SDK1: variants seen among roughly 807,000 people sequenced by gnomAD.
SDK1 encodes protein sidekick-1.
Under a neutral mutation model 245.5 loss-of-function variants are expected in SDK1, and 157 were observed. The ratio of observed to expected loss-of-function variants is 0.64; its 90% CI spans 0.56 to 0.73. SDK1 has a LOEUF of 0.73. Among genes scored for constraint, SDK1 ranks in the 30% least tolerant of loss-of-function variants. The pLI is 0.00. For synonymous variants in SDK1, 1,647 were observed against 1,278.5 expected (o/e 1.29, Z -6.15); for missense variants, 3,583 against 3,002.3 (o/e 1.19, Z -4.52).
intron 5 of SDK1, among the ~76,000 whole-genome samples, chr7:3,912,174 C>T (rs528746995): frequency 2.0e-5 from 3 of 152,230 alleles, no homozygotes; most frequent in South Asian, 2.1e-4. Flanking sequence ...ACGTGATGAG[C>T]GCTGTGTTTT....
intron 28 of SDK1, among the ~76,000 whole-genome samples, chr7:4,143,586 G>A (rs1438964342): frequency 1.3e-5 from 2 of 152,218 alleles, no homozygotes; most frequent in Non-Finnish European, 2.9e-5. Flanking sequence ...CAGCCCAGAG[G>A]TGCACCCCCA....
chr7:3,527,300 G>GACACTTGATAGAGCT (rs990669492), intron 1 of SDK1, among the ~76,000 whole-genome samples: 1 of 152,186 alleles, frequency 6.6e-6, no homozygotes, highest in Non-Finnish European at 1.5e-5. Flanking sequence ...AAGTAAGAAA[G>GACACTTGATAGAGCT]ACACTTGATA....
chr7:3,593,802 CGGGTTCT>C (rs1419463963), intron 1 of SDK1, among the ~76,000 whole-genome samples: 1 of 152,172 alleles, frequency 6.6e-6, no homozygotes, highest in African/African-American at 2.4e-5. Context: ...AGACAGGTTC[CGGGTTCT>C]GGCTTTGCCA....
Position 4,051,497 on chromosome 7 carries a change from G to A in SDK1, c.2719-141G>A, listed in dbSNP as rs1583951281. The A allele has an allele frequency of 3.5e-5, 23 of 660,936 alleles. 2 individuals are homozygous for A. In the South Asian group the frequency reaches 5.0e-4, roughly 14 times the overall value. 40.9% of individuals were successfully genotyped at this position (660,936 alleles called of 1,614,324 possible). On this transcript the variant is annotated intron_variant, in intron 18 of 44. Coordinates refer to ENST00000404826, the MANE Select transcript of SDK1 (RefSeq NM_152744.4). ...ATTTTTATCTCAACTTTTTTCAAGCGTGATTATAAAATGCAGGATTTATGG... is the reference window on the plus strand; with the variant it reads ...ATTTTTATCTCAACTTTTTTCAAGCATGATTATAAAATGCAGGATTTATGG...
chr7:4,221,544 T>A (rs527431796), intron 40 of SDK1, among the ~76,000 whole-genome samples, 180 bp downstream of exon 40: 396 of 152,336 alleles, frequency 2.6e-3, no homozygotes, highest in African/African-American at 9.2e-3. Context: ...CCAGTCTTCA[T>A]AGTCACAACT....
At chr7:3,732,926 G>T (rs1779220162) in intron 4 of SDK1, among the ~76,000 whole-genome samples, 1 of 152,178 alleles carries the variant, frequency 6.6e-6, no homozygotes, top group Non-Finnish European at 1.5e-5. Context: ...TTGAGTGGAA[G>T]TTATCCTGGA....
chr7:4,179,604 C>G (rs1393809450), intron 35 of SDK1, among the ~76,000 whole-genome samples: 2 of 152,056 alleles, frequency 1.3e-5, no homozygotes, highest in African/African-American at 4.8e-5. Context: ...GTATTTCTGC[C>G]TCTCTTTGCA....
intron 5 of SDK1, among the ~76,000 whole-genome samples, chr7:3,825,112 C>T (rs893285035): frequency 6.6e-6 from 1 of 152,052 alleles, no homozygotes; most frequent in Non-Finnish European, 1.5e-5. Flanking sequence ...TTTTCATGGC[C>T]AGCTCCCACT....
At chr7:4,136,288 GCAGGAAGA>G (rs1256375672) in intron 28 of SDK1, among the ~76,000 whole-genome samples, 1 of 152,208 alleles carries the variant, frequency 6.6e-6, no homozygotes, top group Non-Finnish European at 1.5e-5. Flanking sequence ...GGCGGAGGCT[GCAGGAAGA>G]CAGGAAGACA....
chr7:3,617,570 C>T (rs1291166787), intron 1 of SDK1, among the ~76,000 whole-genome samples: 2 of 152,160 alleles, frequency 1.3e-5, no homozygotes, highest in African/African-American at 2.4e-5. Context: ...GTATATTTGA[C>T]TCTTGGTTCT....
At chr7:3,602,529 T>G (rs1329831079) in intron 1 of SDK1, among the ~76,000 whole-genome samples, 1 of 152,116 alleles carries the variant, frequency 6.6e-6, no homozygotes, top group Non-Finnish European at 1.5e-5. Flanking sequence ...GGTTGTTTGT[T>G]TTTTTCTTGT....
intron 7 of SDK1, 142 bp downstream of exon 7, chr7:3,952,062 A>T (rs1339307090): frequency 2.8e-6 from 2 of 715,148 alleles, no homozygotes; most frequent in African/African-American, 3.6e-5. Flanking sequence ...TACCTTCGAA[A>T]TCCTTCCTAG....
intron 4 of SDK1, among the ~76,000 whole-genome samples, chr7:3,704,423 C>A (rs1200706550): frequency 6.6e-6 from 1 of 151,244 alleles, no homozygotes; most frequent in Non-Finnish European, 1.5e-5. Context: ...TGGCATCTCA[C>A]TGTAGTTTTA....
rs576744992 is a variant in SDK1, at chr7:3,716,273, A to T, written c.713+74168A>T. Among the ~76,000 whole-genome samples, 13 of 152,304 alleles carry T rather than the reference A, an allele frequency of 8.5e-5. No homozygotes were observed. The South Asian group carries it at 2.7e-3, about 32-fold the overall frequency. On this transcript the variant is annotated intron_variant, in intron 4 of 44. Transcript: ENST00000404826. ...AAAGCTTTCTAAATTGGGGGAAAAAAAAAACTCCACAAGCCTACAGATTCA... is the reference window on the plus strand; with the variant it reads ...AAAGCTTTCTAAATTGGGGGAAAAATAAAACTCCACAAGCCTACAGATTCA...
intron 1 of SDK1, among the ~76,000 whole-genome samples, chr7:3,404,152 T>C (rs924540599): frequency 2.0e-5 from 3 of 151,904 alleles, no homozygotes; most frequent in African/African-American, 7.3e-5. Context: ...ATGGCATCAA[T>C]AGACTTGCTG....
At chr7:3,908,802 T>C (rs1396469334) in intron 5 of SDK1, among the ~76,000 whole-genome samples, 7 of 152,042 alleles carry the variant, frequency 4.6e-5, no homozygotes, top group Admixed American at 3.3e-4. Context: ...GGAAGCATTT[T>C]TGGGGGGACT....
At chr7:3,799,587 C>T (rs1779055251) in intron 4 of SDK1, among the ~76,000 whole-genome samples, 1 of 151,732 alleles carries the variant, frequency 6.6e-6, no homozygotes, top group Non-Finnish European at 1.5e-5. Context: ...CACCTGTAGT[C>T]CCAGCTACTC....
chr7:3,668,673 C>G (rs1451209968), intron 4 of SDK1, among the ~76,000 whole-genome samples: 1 of 152,180 alleles, frequency 6.6e-6, no homozygotes, highest in East Asian at 1.9e-4. Context: ...CACCTGTAAT[C>G]CCACCTACTC....
chr7:3,622,677 C>T (rs1435821631), intron 2 of SDK1, among the ~76,000 whole-genome samples: 1 of 152,112 alleles, frequency 6.6e-6, no homozygotes, highest in Non-Finnish European at 1.5e-5. Flanking sequence ...CACAAGAAGA[C>T]AAAACGTTGT....
Sources: gnomAD v4.1 joint callset for allele counts (sites outside exome capture counted in the v4.1 genomes callset) on GRCh38, gnomAD v4.1.1 for gene constraint, MANE v1.5 for transcripts, NCBI Gene and HGNC (gene_info 2026-07-23, HGNC 2026-07-21) for gene names.